Variants in XKR6 observed in about 807,000 individuals in gnomAD.
XKR6 encodes the protein XK-related protein 6.
In XKR6, 22 loss-of-function variants were observed where a neutral mutation model predicts 56.7. That is an observed-to-expected ratio of 0.39 (90% CI 0.28 to 0.55). The LOEUF (loss-of-function observed/expected upper bound fraction) is 0.55. XKR6 is among the 20% of genes least tolerant of loss of function. XKR6 has a pLI of 0.66. For missense variants in XKR6, 852 were observed against 889.0 expected, an observed-to-expected ratio of 0.96 and a Z score of 0.53; for synonymous variants, 524 against 387.8, an observed-to-expected ratio of 1.35 and a Z score of -4.13.
At chr8:10,908,792 G>A (rs1252011859) in intron 2 of XKR6, among the ~76,000 whole-genome samples, 1 of 152,186 alleles carries the variant, frequency 6.6e-6, no homozygotes, top group East Asian at 1.9e-4. Context: ...TAGGCCATGA[G>A]GGCTCTGCCT....
At chr8:11,017,230 G>A (rs1205912584) in intron 1 of XKR6, among the ~76,000 whole-genome samples, 26 of 152,254 alleles carry the variant, frequency 1.7e-4, no homozygotes, top group Admixed American at 1.7e-3. Flanking sequence ...TAGGCAGTGG[G>A]TAGATAGGAG....
At chr8:11,072,637 G>C (rs575679125) in intron 1 of XKR6, among the ~76,000 whole-genome samples, 1 of 152,358 alleles carries the variant, frequency 6.6e-6, no homozygotes, top group South Asian at 2.1e-4. Flanking sequence ...AGAGAAGGTG[G>C]GGGCCACCCC....
At chr8:11,103,952 T>C (rs538990501) in intron 1 of XKR6, among the ~76,000 whole-genome samples, 1 of 152,322 alleles carries the variant, frequency 6.6e-6, no homozygotes, top group East Asian at 1.9e-4. Flanking sequence ...CTGACAGCTG[T>C]CGTACCCTTG....
At chr8:11,036,224 A>G (rs1248735887) in intron 1 of XKR6, among the ~76,000 whole-genome samples, 1 of 152,200 alleles carries the variant, frequency 6.6e-6, no homozygotes, top group African/African-American at 2.4e-5. Context: ...CTAAGATCAC[A>G]GGCATGAGCC....
At chr8:11,093,875 C>A (rs1232617085) in intron 1 of XKR6, among the ~76,000 whole-genome samples, 2 of 149,116 alleles carry the variant, frequency 1.3e-5, no homozygotes, top group Non-Finnish European at 3.0e-5. Flanking sequence ...GTTCTGCCTC[C>A]CGGGTTCACG....
chr8:11,119,910 T>C (rs1472506678), intron 1 of XKR6, among the ~76,000 whole-genome samples: 1 of 152,144 alleles, frequency 6.6e-6, no homozygotes, highest in East Asian at 1.9e-4. Context: ...TAATCCAGCA[T>C]ATAAACAGAA....
chr8:10,973,494 A>G (rs988383543), intron 1 of XKR6, among the ~76,000 whole-genome samples: 41 of 152,138 alleles, frequency 2.7e-4, no homozygotes, highest in African/African-American at 8.2e-4. Context: ...TCTGAAACCT[A>G]TTTTATCCCC....
chr8:11,184,778 C>T (rs991785583), intron 1 of XKR6, among the ~76,000 whole-genome samples: 4 of 152,016 alleles, frequency 2.6e-5, no homozygotes, highest in African/African-American at 7.3e-5. Flanking sequence ...GCAATCAACC[C>T]GCCTCAGCCT....
At position 10,898,684 on chromosome 8, in the gene XKR6, G is replaced by A. The variant is rs1473657206; in HGVS notation, c.1194C>T (p.Ala398=). 1.9e-6 allele frequency: 3 copies of A among 1,614,148 alleles called. No homozygotes were observed. The highest frequency in any genetic ancestry group is 2.5e-6 in the Non-Finnish European group (3 of 1,180,040). ...CTGTTCCGCCATGGATGATCCAGAAGGCCATGGCGCACCAGTGAACCACCA... is the reference window on the plus strand; with the variant it reads ...CTGTTCCGCCATGGATGATCCAGAAAGCCATGGCGCACCAGTGAACCACCA... ...IFVVVHWCAM[A]FWIIHGGTDF... The change falls in exon 3 of 3, where the codon GCC becomes GCT. Residue 398 remains alanine (A), a synonymous_variant. Coordinates refer to ENST00000416569, the MANE Select transcript of XKR6 (RefSeq NM_173683.4). This position sits in a 1 kb window ranked among gnomAD's most constrained non-coding sequence, Gnocchi z 6.6.
intron 1 of XKR6, among the ~76,000 whole-genome samples, chr8:10,983,763 C>G (rs1180404653): frequency 6.6e-6 from 1 of 151,922 alleles, no homozygotes; most frequent in Non-Finnish European, 1.5e-5. Context: ...TCACACAATT[C>G]TCCTGTGTCA....
chr8:11,125,292 G>C (rs1029715811), intron 1 of XKR6, among the ~76,000 whole-genome samples: 1 of 152,024 alleles, frequency 6.6e-6, no homozygotes, highest in Admixed American at 6.6e-5. Flanking sequence ...GGCAAATGCA[G>C]ACCATCTCCT....
At chr8:10,940,573 C>T (rs1322268916) in intron 1 of XKR6, among the ~76,000 whole-genome samples, 1 of 152,196 alleles carries the variant, frequency 6.6e-6, no homozygotes, top group African/African-American at 2.4e-5. Context: ...ATCTCTTTGT[C>T]GGCACCTGCA....
rs543832920 is a variant in XKR6 at position 11,107,366 on chromosome 8, AT to A, written c.764+93209del. ...AAGTGCACACCACCATGCCCAGCTG[AT>A]TTTTTTTATTTTTTGTAGAGACAGG... On this transcript the variant is annotated intron_variant, in intron 1 of 2. Coordinates refer to ENST00000416569, the MANE Select transcript of XKR6 (RefSeq NM_173683.4). Among the ~76,000 whole-genome samples the A allele has an allele frequency of 1.2e-3, 182 of 151,828 alleles. 1 individual carries two copies. In the South Asian group the frequency reaches 0.016, roughly 13 times the overall value.
chr8:10,904,595 G>C (rs1800132769), intron 2 of XKR6, among the ~76,000 whole-genome samples: 3 of 152,128 alleles, frequency 2.0e-5, no homozygotes, highest in African/African-American at 7.2e-5. Context: ...AGGCAGGAGA[G>C]CAAGGAGGTG....
intron 1 of XKR6, among the ~76,000 whole-genome samples, chr8:10,986,344 T>A (rs1448491707): frequency 6.6e-6 from 1 of 152,204 alleles, no homozygotes; most frequent in African/African-American, 2.4e-5. Flanking sequence ...TAGAAGAATA[T>A]CTTTATAATC....
rs897989001 is a variant in XKR6 at position 11,200,379 on chromosome 8, G to A, written c.764+197C>T. Among the ~76,000 whole-genome samples, 3 of 152,184 alleles carry A rather than the reference G, an allele frequency of 2.0e-5. No individual in the cohort carries two copies. Among genetic ancestry groups the A allele is most frequent in the Admixed American group, 6.5e-5 (1 of 15,294 alleles). ...CGAGGACGGGCCAACGGCAGGTCTC[G>A]GCCTCCCCGGGCCAAAGGCGTGGCC... On this transcript the variant is annotated intron_variant, in intron 1 of 2. Coordinates refer to ENST00000416569, the MANE Select transcript of XKR6 (RefSeq NM_173683.4). The surrounding 1 kb of genome is among the most constrained non-coding windows in gnomAD (Gnocchi z 6.4).
chr8:11,082,061 C>A (rs1797740568), intron 1 of XKR6, among the ~76,000 whole-genome samples: 1 of 152,190 alleles, frequency 6.6e-6, no homozygotes, highest in Non-Finnish European at 1.5e-5. Flanking sequence ...TCAGACCAGG[C>A]TGGTGTAGGC....
At chr8:10,996,162 C>G (rs1036803782) in intron 1 of XKR6, among the ~76,000 whole-genome samples, 5 of 152,226 alleles carry the variant, frequency 3.3e-5, no homozygotes, top group Non-Finnish European at 7.3e-5. Flanking sequence ...ACCAACTTCT[C>G]AGGTCAATAA....
At chr8:10,941,512 G>A (rs1240165723) in intron 1 of XKR6, among the ~76,000 whole-genome samples, 2 of 152,192 alleles carry the variant, frequency 1.3e-5, no homozygotes, top group Admixed American at 1.3e-4. Flanking sequence ...GGTTAAGCTC[G>A]GCCACTCCTG....
Sources: gnomAD v4.1 joint callset for allele counts (sites outside exome capture counted in the v4.1 genomes callset) on GRCh38, gnomAD v4.1.1 for gene constraint, Gnocchi (gnomAD v3.1) non-coding constraint, MANE v1.5 for transcripts, NCBI Gene and HGNC (gene_info 2026-07-23, HGNC 2026-07-21) for gene names.